GAB1: variants seen among roughly 807,000 people sequenced by gnomAD.
GAB1 encodes the protein GRB2-associated-binding protein 1.
GAB1 carries 19 observed loss-of-function variants against 66.5 expected under a neutral mutation model. The ratio of observed to expected loss-of-function variants is 0.29; its 90% CI spans 0.20 to 0.42. The LOEUF is 0.42. Among genes scored for constraint, GAB1 ranks in the 10% least tolerant of loss-of-function variants. GAB1 has a pLI of 1.00. For missense variants in GAB1, 732 were observed against 858.5 expected (o/e 0.85, Z 1.84); for synonymous variants, 294 against 301.4 (o/e 0.98, Z 0.25).
chr4:143,436,037 C>A (rs923858839), intron 3 of GAB1, among the ~76,000 whole-genome samples: 1 of 152,182 alleles, frequency 6.6e-6, no homozygotes, highest in African/African-American at 2.4e-5. Flanking sequence ...CCTCTAGCTT[C>A]TCTTAACTCT....
chr4:143,351,331 A>C (rs1359543669), intron 1 of GAB1, among the ~76,000 whole-genome samples: 1 of 152,134 alleles, frequency 6.6e-6, no homozygotes, highest in Non-Finnish European at 1.5e-5. Flanking sequence ...TTTCCCCTGG[A>C]GTCCGGCCAC....
chr4:143,383,672 A>G (rs1426323754), intron 1 of GAB1, among the ~76,000 whole-genome samples: 1 of 152,192 alleles, frequency 6.6e-6, no homozygotes, highest in African/African-American at 2.4e-5. Context: ...TAACATAACA[A>G]TATATGTGAG....
At chr4:143,425,996 T>G in intron 2 of GAB1, 1 of 661,304 alleles carries the variant, frequency 1.5e-6, no homozygotes, top group Non-Finnish European at 2.6e-6. Context: ...AAAAAAAATT[T>G]TAAAAATTAC....
At chr4:143,432,609 A>T (rs766388118) in intron 2 of GAB1, among the ~76,000 whole-genome samples, 5 of 152,236 alleles carry the variant, frequency 3.3e-5, no homozygotes, top group Admixed American at 6.5e-5. Context: ...AAATTTTAAG[A>T]ACAAATTTAT....
chr4:143,438,070 A>C lies in GAB1; in HGVS notation c.665A>C (p.Asn222Thr). ...DCNDNVPSHK[N>T]PASSQSKHGM... is the part of the protein sequence containing the mutation. Reference sequence around the variant, plus strand: ...AATGATAACGTCCCTTCTCATAAAAATCCTGCTTCCTCCCAGAGCAAACAT... The same window carrying C: ...AATGATAACGTCCCTTCTCATAAAACTCCTGCTTCCTCCCAGAGCAAACAT... The change falls in exon 4 of 10, where the codon AAT becomes ACT. Residue 222 changes from asparagine to threonine, a missense_variant. Asn to Thr is a moderately conservative substitution (Grantham distance 65). Around this residue, in one of 4 missense-constraint regions of GAB1, gnomAD observed 427 missense variants for 420.6 expected, o/e 1.02. Transcript: ENST00000262994. The C allele has an allele frequency of 6.2e-7, 1 of 1,614,092 alleles. No homozygotes were observed. The highest frequency in any genetic ancestry group is 8.5e-7 in the Non-Finnish European group (1 of 1,179,984).
At chr4:143,379,446 A>G (rs1730565748) in intron 1 of GAB1, among the ~76,000 whole-genome samples, 1 of 152,138 alleles carries the variant, frequency 6.6e-6, no homozygotes, top group Non-Finnish European at 1.5e-5. Context: ...TTCTCCAGGT[A>G]CGGTTAGCAG....
chr4:143,402,843 A>G (rs931957384), intron 1 of GAB1, among the ~76,000 whole-genome samples: 9 of 152,246 alleles, frequency 5.9e-5, no homozygotes, highest in Admixed American at 5.9e-4. Context: ...CTGAAGGTTT[A>G]TATTTAGAAG....
chr4:143,408,942 G>T (rs572271042), intron 1 of GAB1, among the ~76,000 whole-genome samples: 1 of 152,222 alleles, frequency 6.6e-6, no homozygotes, highest in Non-Finnish European at 1.5e-5. Flanking sequence ...TAGAAGGGAA[G>T]TTGGCTCAGG....
intron 1 of GAB1, among the ~76,000 whole-genome samples, chr4:143,338,902 C>G (rs1728743300): frequency 6.6e-6 from 1 of 152,104 alleles, no homozygotes; most frequent in Admixed American, 6.5e-5. Flanking sequence ...GTTCATGGCT[C>G]ACTCAAAAGA....
At chr4:143,384,037 C>T (rs1159312528) in intron 1 of GAB1, among the ~76,000 whole-genome samples, 1 of 152,028 alleles carries the variant, frequency 6.6e-6, no homozygotes, top group Non-Finnish European at 1.5e-5. Flanking sequence ...CGCACCACTG[C>T]ACTCCAGCCT....
At chr4:143,338,967 AG>A (rs1308042669) in intron 1 of GAB1, among the ~76,000 whole-genome samples, 22 of 152,352 alleles carry the variant, frequency 1.4e-4, no homozygotes, top group Non-Finnish European at 2.4e-4. Context: ...AGTAGGAAAA[AG>A]GAAAAAAGCC....
chr4:143,430,480 C>T (rs1733596797), intron 2 of GAB1, among the ~76,000 whole-genome samples: 1 of 152,124 alleles, frequency 6.6e-6, no homozygotes, highest in South Asian at 2.1e-4. Flanking sequence ...GTTTATCTGT[C>T]TTCTGGGTGC....
At chr4:143,355,761 A>T (rs2149652474) in intron 1 of GAB1, among the ~76,000 whole-genome samples, 1 of 152,300 alleles carries the variant, frequency 6.6e-6, no homozygotes, top group East Asian at 1.9e-4. Context: ...TTCTTTCCTC[A>T]TCCTAGATTC....
intron 2 of GAB1, among the ~76,000 whole-genome samples, chr4:143,420,592 T>G (rs1732958812): frequency 6.6e-6 from 1 of 152,100 alleles, no homozygotes; most frequent in African/African-American, 2.4e-5. Context: ...TTCTTGGAAA[T>G]GTACAGATTT....
At chr4:143,340,049 G>T (rs1337694421) in intron 1 of GAB1, among the ~76,000 whole-genome samples, 1 of 152,098 alleles carries the variant, frequency 6.6e-6, no homozygotes, top group East Asian at 1.9e-4. Flanking sequence ...GTTAAATAAG[G>T]CTTGTATTTT....
Position 143,373,870 on chromosome 4 carries a change from T to TAAATAAATAAATAAATAAATAA in GAB1, c.72+36611_72+36612insAATAAATAAATAAATAAATAAA, listed in dbSNP as rs1261588757. On this transcript the variant is annotated intron_variant, in intron 1 of 9. Coordinates refer to ENST00000262994, the MANE Select transcript of GAB1 (RefSeq NM_002039.4). ...CTCTCTCTCTCTGTAAATAAATAAA[T>TAAATAAATAAATAAATAAATAA]ATATATATATATATATTTTTACCTT... Among the ~76,000 whole-genome samples the TAAATAAATAAATAAATAAATAA allele has an allele frequency of 3.9e-4, 49 of 126,858 alleles. 5 individuals are homozygous for TAAATAAATAAATAAATAAATAA. The highest frequency in any genetic ancestry group is 1.3e-3 in the African/African-American group (41 of 30,746). 83.2% of individuals were successfully genotyped at this position (126,858 alleles called of 152,430 possible). A position where few individuals can be genotyped will look rare whatever the true frequency, so the allele number is the denominator to read the frequency against.
chr4:143,380,112 G>A (rs895465600), intron 1 of GAB1, among the ~76,000 whole-genome samples: 1 of 150,576 alleles, frequency 6.6e-6, no homozygotes, highest in African/African-American at 2.5e-5. Flanking sequence ...TAAATCGTGG[G>A]CCTCAGTTTT....
At chr4:143,458,808 A>G (rs987471650) in intron 6 of GAB1, among the ~76,000 whole-genome samples, 1 of 152,052 alleles carries the variant, frequency 6.6e-6, no homozygotes, top group East Asian at 1.9e-4. Flanking sequence ...CGGAGTTTGG[A>G]TCTAAAGATA....
intron 6 of GAB1, among the ~76,000 whole-genome samples, chr4:143,445,541 CTGTT>C (rs1338438663): frequency 6.6e-6 from 1 of 152,092 alleles, no homozygotes; most frequent in African/African-American, 2.4e-5. Context: ...TGTAGGTTGA[CTGTT>C]TACTCTGTTG....
Sources: allele counts gnomAD v4.1 joint callset (sites outside exome capture counted in the v4.1 genomes callset), GRCh38; gene constraint gnomAD v4.1.1; regional missense constraint gnomAD v4.1.1; transcripts MANE v1.5; gene names NCBI Gene and HGNC (gene_info 2026-07-23, HGNC 2026-07-21).